Variants in PDE3A observed in about 807,000 individuals in gnomAD.
PDE3A encodes cGMP-inhibited 3',5'-cyclic phosphodiesterase 3A.
In PDE3A, 43 loss-of-function variants were observed where a neutral mutation model predicts 98.3. The ratio of observed to expected loss-of-function variants is 0.44; its 90% confidence interval spans 0.34 to 0.56. The LOEUF (loss-of-function observed/expected upper bound fraction) is 0.56, where lower values mean the gene tolerates loss of function less well. Among genes scored for constraint, PDE3A ranks in the 20% least tolerant of loss-of-function variants. The pLI, the probability that PDE3A is intolerant of heterozygous loss-of-function variation, is 0.01. For synonymous variants in PDE3A, 663 were observed against 567.9 expected, an observed-to-expected ratio of 1.17 and a Z score of -2.38; for missense variants, 1,427 against 1,440.7, an observed-to-expected ratio of 0.99 and a Z score of 0.15.
chr12:20,633,449 G>A (rs944281316), intron 6 of PDE3A, among the ~76,000 whole-genome samples: 1 of 152,100 alleles, frequency 6.6e-6, no homozygotes, highest in African/African-American at 2.4e-5. Context: ...TAAAGGAGGA[G>A]GAGAATGAGA....
chr12:20,658,634 C>T (rs1400317941), intron 15 of PDE3A, among the ~76,000 whole-genome samples: 1 of 152,158 alleles, frequency 6.6e-6, no homozygotes, highest in African/African-American at 2.4e-5. Context: ...GATTAAGCCA[C>T]CTGTTAATTG....
intron 1 of PDE3A, among the ~76,000 whole-genome samples, chr12:20,527,299 A>G (rs1002604123): frequency 6.6e-6 from 1 of 152,156 alleles, no homozygotes. Context: ...GAGAAGATGA[A>G]TGGATCACTC....
At chr12:20,443,591 C>T (rs988297335) in intron 1 of PDE3A, among the ~76,000 whole-genome samples, 16 of 152,070 alleles carry the variant, frequency 1.1e-4, no homozygotes, top group Non-Finnish European at 2.2e-4. Context: ...TAACTCTTTT[C>T]GTTTGCTGTG....
intron 1 of PDE3A, among the ~76,000 whole-genome samples, chr12:20,441,760 A>C (rs1014735703): frequency 2.6e-5 from 4 of 151,546 alleles, no homozygotes; most frequent in African/African-American, 7.3e-5. Context: ...CCTCCCAATT[A>C]CTCTGTCTCA....
intron 1 of PDE3A, among the ~76,000 whole-genome samples, chr12:20,479,616 C>A (rs2120999741): frequency 6.6e-6 from 1 of 152,296 alleles, no homozygotes; most frequent in African/African-American, 2.4e-5. Flanking sequence ...TATATTTAAT[C>A]TTGCTCCTTT....
intron 2 of PDE3A, among the ~76,000 whole-genome samples, chr12:20,585,866 C>T (rs1943182698): frequency 6.6e-6 from 1 of 151,890 alleles, no homozygotes; most frequent in Non-Finnish European, 1.5e-5. Flanking sequence ...TTCTTCTTTC[C>T]TTTCTTCCAC....
chr12:20,641,272 A>G (rs903524995), intron 10 of PDE3A, among the ~76,000 whole-genome samples: 1 of 152,096 alleles, frequency 6.6e-6, no homozygotes, highest in Non-Finnish European at 1.5e-5. Context: ...GAGGAGCTCA[A>G]CAGTACCAGG....
At position 20,369,565 on chromosome 12, in the gene PDE3A, A is replaced by AGGCGGC. The variant is rs760131099; in HGVS notation, c.290_295dup (p.Ala97_Ala98dup). On this transcript the variant is annotated inframe_insertion, in exon 1 of 16. Coordinates refer to ENST00000359062, the MANE Select transcript of PDE3A (RefSeq NM_000921.5). ...GGCTGTGACCTGGAGCAGTGTAAGG[A>AGGCGGC]GGCGGCGGCGGCGGAGGAGGAGGAA... 6.4e-7 allele frequency: 1 copy of AGGCGGC among 1,556,052 alleles called. No homozygotes were observed. Among genetic ancestry groups the AGGCGGC allele is most frequent in the Non-Finnish European group, 8.7e-7 (1 of 1,151,212 alleles).
At chr12:20,551,786 T>TG (rs1942209450) in intron 1 of PDE3A, 1 of 1,613,768 alleles carries the variant, frequency 6.2e-7, no homozygotes, top group Non-Finnish European at 8.5e-7. Flanking sequence ...AAGGCGAAGA[T>TG]GGCCTCGGCC....
chr12:20,530,489 C>T (rs931797782), intron 1 of PDE3A, among the ~76,000 whole-genome samples: 2 of 143,822 alleles, frequency 1.4e-5, no homozygotes, highest in Non-Finnish European at 3.0e-5. Context: ...CTATACAATA[C>T]TTTTTTTTTT....
chr12:20,669,942 A>G (rs1011259191), intron 15 of PDE3A, among the ~76,000 whole-genome samples: 44 of 152,104 alleles, frequency 2.9e-4, no homozygotes, highest in African/African-American at 1.0e-3. Context: ...AGTGTGCTGT[A>G]TTCAGGAAAC....
At chr12:20,510,227 A>G (rs1159857937) in intron 1 of PDE3A, among the ~76,000 whole-genome samples, 1 of 152,070 alleles carries the variant, frequency 6.6e-6, no homozygotes, top group Non-Finnish European at 1.5e-5. Flanking sequence ...TGGTAGTTGC[A>G]TATAATAAGC....
intron 1 of PDE3A, among the ~76,000 whole-genome samples, chr12:20,531,889 A>G (rs1941609013): frequency 1.3e-5 from 2 of 152,178 alleles, no homozygotes; most frequent in South Asian, 4.2e-4. Flanking sequence ...TAAATTGTTT[A>G]TTCCATCTCA....
At chr12:20,509,243 C>A (rs529485282) in intron 1 of PDE3A, among the ~76,000 whole-genome samples, 15 of 152,076 alleles carry the variant, frequency 9.9e-5, no homozygotes, top group South Asian at 2.1e-4. Context: ...GTGTCCACAG[C>A]TGCTGCCTTT....
intron 1 of PDE3A, among the ~76,000 whole-genome samples, chr12:20,384,938 G>C (rs755356514): frequency 6.6e-6 from 1 of 151,978 alleles, no homozygotes; most frequent in Admixed American, 6.6e-5. Flanking sequence ...TCGTTGATGG[G>C]CATTTGAGTT....
chr12:20,543,259 T>TG (rs1179577049), intron 1 of PDE3A, among the ~76,000 whole-genome samples: 1 of 101,114 alleles, frequency 9.9e-6, no homozygotes, highest in Non-Finnish European at 2.6e-5. Context: ...TTGGTTTGTT[T>TG]GTTTTTTTTT....
At chr12:20,386,244 A>G (rs1395726620) in intron 1 of PDE3A, among the ~76,000 whole-genome samples, 2 of 130,230 alleles carry the variant, frequency 1.5e-5, no homozygotes, top group African/African-American at 5.8e-5. Context: ...ATAAATATAA[A>G]TATATTAATT....
chr12:20,491,747 G>C (rs545137133), intron 1 of PDE3A, among the ~76,000 whole-genome samples: 15 of 152,248 alleles, frequency 9.9e-5, no homozygotes, highest in Middle Eastern at 3.4e-3. Flanking sequence ...TTGTAGTTAA[G>C]ATTGTCAAGT....
At chr12:20,586,952 T>A (rs1592084065) in intron 2 of PDE3A, among the ~76,000 whole-genome samples, 1 of 152,226 alleles carries the variant, frequency 6.6e-6, no homozygotes, top group African/African-American at 2.4e-5. Context: ...TGGTTGGCTT[T>A]TAATGAGGCC....
Sources: allele counts gnomAD v4.1 joint callset (sites outside exome capture counted in the v4.1 genomes callset), GRCh38; gene constraint gnomAD v4.1.1; transcripts MANE v1.5; gene names NCBI Gene and HGNC (gene_info 2026-07-23, HGNC 2026-07-21).